Variants in ANKS1B observed in about 807,000 individuals in gnomAD.
The protein encoded by ANKS1B is ankyrin repeat and sterile alpha motif domain-containing protein 1B.
ANKS1B carries 36 observed loss-of-function variants against 148.3 expected under a neutral mutation model. That is an observed-to-expected ratio of 0.24 (90% CI 0.19 to 0.32). The LOEUF (loss-of-function observed/expected upper bound fraction) is 0.32, where lower values mean the gene tolerates loss of function less well. Ranked by LOEUF, ANKS1B falls within the 10% of genes least tolerant of loss-of-function variation. The pLI is 1.00. For synonymous variants in ANKS1B, 542 were observed against 560.8 expected (o/e 0.97, Z 0.47); for missense variants, 1,157 against 1,542.6 (o/e 0.75, Z 4.19).
intron 8 of ANKS1B, among the ~76,000 whole-genome samples, chr12:99,671,232 G>T (rs182711523): frequency 6.6e-6 from 1 of 152,066 alleles, no homozygotes; most frequent in Non-Finnish European, 1.5e-5. Context: ...GTGTATATAC[G>T]TTTTGATTAG....
Position 98,848,054 on chromosome 12 carries a change from CT to C in ANKS1B, c.2779-15919del, listed in dbSNP as rs2099492364. 2.0e-5 allele frequency among the ~76,000 whole-genome samples: 3 copies of C among 152,270 alleles called. No individual in the cohort carries two copies. In the South Asian group the frequency reaches 6.2e-4, roughly 32 times the overall value. On this transcript the variant is annotated intron_variant, in intron 17 of 26. Coordinates refer to ENST00000683438, the MANE Select transcript of ANKS1B (RefSeq NM_001352186.2). ...TGAAAAAGTGAAAAGTAGAGCAATG[CT>C]TTCTAAGAAATAGATACTGAATCAT... is the stretch of plus-strand genomic sequence containing the variant.
chr12:99,203,553 C>T (rs2082311737), intron 14 of ANKS1B, among the ~76,000 whole-genome samples: 1 of 151,914 alleles, frequency 6.6e-6, no homozygotes, highest in South Asian at 2.1e-4. Context: ...CGGGTGCACG[C>T]CATTCTCCTG....
chr12:99,407,758 A>T (rs1314773479), intron 11 of ANKS1B, among the ~76,000 whole-genome samples: 2 of 145,996 alleles, frequency 1.4e-5, no homozygotes, highest in African/African-American at 5.2e-5. Flanking sequence ...CAATAGCTAC[A>T]AATAAAATAA....
chr12:99,886,006 C>G (rs960683329), intron 1 of ANKS1B, among the ~76,000 whole-genome samples: 1 of 152,154 alleles, frequency 6.6e-6, no homozygotes, highest in African/African-American at 2.4e-5. Flanking sequence ...CATTCATCAG[C>G]TGATGGACAT....
At chr12:99,430,485 T>C (rs994087046) in intron 11 of ANKS1B, among the ~76,000 whole-genome samples, 2 of 152,238 alleles carry the variant, frequency 1.3e-5, no homozygotes, top group African/African-American at 4.8e-5. Context: ...CACTGTACGT[T>C]ACTTGACCAA....
chr12:99,112,519 T>C (rs749386166), intron 15 of ANKS1B, among the ~76,000 whole-genome samples: 2 of 152,042 alleles, frequency 1.3e-5, no homozygotes, highest in Admixed American at 1.3e-4. Context: ...TATTTTTCCA[T>C]TGTGAGTTCC....
chr12:99,221,874 T>A (rs2085180850), intron 14 of ANKS1B, among the ~76,000 whole-genome samples: 1 of 152,194 alleles, frequency 6.6e-6, no homozygotes, highest in African/African-American at 2.4e-5. Context: ...AGGTTATTCA[T>A]TGCAGCATTG....
At chr12:99,717,897 C>T (rs1409631114) in intron 8 of ANKS1B, among the ~76,000 whole-genome samples, 2 of 141,446 alleles carry the variant, frequency 1.4e-5, no homozygotes, top group African/African-American at 5.2e-5. Flanking sequence ...TTAGACAATA[C>T]TCTTTTTTTT....
chr12:99,051,271 C>T (rs2099965903), intron 17 of ANKS1B, among the ~76,000 whole-genome samples: 1 of 152,216 alleles, frequency 6.6e-6, no homozygotes, highest in African/African-American at 2.4e-5. Flanking sequence ...GTGATCCTTA[C>T]TTCAGTGAAA....
chr12:99,836,820 A>G (rs1419095294), intron 1 of ANKS1B, among the ~76,000 whole-genome samples: 1 of 152,168 alleles, frequency 6.6e-6, no homozygotes, highest in Non-Finnish European at 1.5e-5. Flanking sequence ...AGGCAGATTA[A>G]TCTCTCATTG....
chr12:99,458,101 T>C (rs980947398), intron 10 of ANKS1B, among the ~76,000 whole-genome samples: 4 of 151,982 alleles, frequency 2.6e-5, no homozygotes, highest in Non-Finnish European at 2.9e-5. Context: ...TGGAATAAAA[T>C]TGGAACTCAA....
intron 1 of ANKS1B, among the ~76,000 whole-genome samples, chr12:99,981,901 C>T (rs1033890406): frequency 6.6e-6 from 1 of 152,044 alleles, no homozygotes; most frequent in East Asian, 1.9e-4. Context: ...TTATGTTTGA[C>T]GGGGGACACA....
chr12:99,244,753 T>G (rs1233362335), intron 13 of ANKS1B, among the ~76,000 whole-genome samples: 1 of 152,246 alleles, frequency 6.6e-6, no homozygotes, highest in African/African-American at 2.4e-5. Flanking sequence ...TGACAAAGTC[T>G]CTGCTCTCTG....
At chr12:99,471,980 C>T (rs2096249508) in intron 10 of ANKS1B, among the ~76,000 whole-genome samples, 1 of 151,972 alleles carries the variant, frequency 6.6e-6, no homozygotes, top group African/African-American at 2.4e-5. Context: ...TAGTGCAAAA[C>T]GTTTTTACAT....
chr12:98,735,327 T>C, exon 10 of ANKS1B: 3 of 407,362 alleles, frequency 7.4e-6, no homozygotes, highest in Non-Finnish European at 1.3e-5. Context: ...GAAACTCTTG[T>C]ATTTATGATA....
intron 16 of ANKS1B, among the ~76,000 whole-genome samples, chr12:99,065,609 T>C (rs936581531): frequency 3.9e-5 from 5 of 128,430 alleles, no homozygotes; most frequent in African/African-American, 1.2e-4. Flanking sequence ...CATCCATCCA[T>C]CCATCCATCC....
intron 17 of ANKS1B, among the ~76,000 whole-genome samples, chr12:98,862,405 A>G (rs538945484): frequency 6.6e-6 from 1 of 152,314 alleles, no homozygotes; most frequent in South Asian, 2.1e-4. Context: ...GAGCTGATCT[A>G]TGCAAAGTAC....
intron 14 of ANKS1B, among the ~76,000 whole-genome samples, chr12:99,176,287 T>A (rs771038729): frequency 2.6e-5 from 4 of 152,218 alleles, no homozygotes; most frequent in Non-Finnish European, 5.9e-5. Context: ...TCATTTACAA[T>A]GTTTTTTGTC....
intron 9 of ANKS1B, among the ~76,000 whole-genome samples, chr12:99,517,590 G>C (rs923796859): frequency 4.6e-5 from 7 of 151,740 alleles, no homozygotes; most frequent in Non-Finnish European, 1.0e-4. Flanking sequence ...TTAGCTGGGT[G>C]TGGTGGTGGG....
Sources: allele counts gnomAD v4.1 joint callset (sites outside exome capture counted in the v4.1 genomes callset), GRCh38; gene constraint gnomAD v4.1.1; transcripts MANE v1.5; gene names NCBI Gene and HGNC (gene_info 2026-07-23, HGNC 2026-07-21).